Variants in AGTPBP1 observed in about 807,000 individuals in gnomAD.
AGTPBP1 encodes the protein ATP/GTP binding carboxypeptidase 1, also known as cytosolic carboxypeptidase 1.
AGTPBP1 carries 70 observed loss-of-function variants against 143.9 expected under a neutral mutation model. The observed-to-expected ratio is 0.49, with a 90% CI of 0.40 to 0.59. AGTPBP1 has a LOEUF of 0.59. Ranked by LOEUF, AGTPBP1 falls within the 20% of genes least tolerant of loss-of-function variation. The probability of loss-of-function intolerance (pLI) is 0.00; values close to 1 mark genes in which losing one functional copy is unlikely to be tolerated. For synonymous variants in AGTPBP1, 463 were observed against 500.2 expected (o/e 0.93, Z 0.99); for missense variants, 1,229 against 1,464.5 (o/e 0.84, Z 2.62).
rs185705686 is a variant in AGTPBP1, at chr9:85,677,460, T to C, written c.412A>G (p.Ile138Val). The C allele has an allele frequency of 2.0e-5, 32 of 1,606,426 alleles. No individual in the cohort carries two copies. The East Asian group carries it at 2.5e-4, about 12-fold the overall frequency. The stretch of plus-strand genomic sequence containing the variant: ...CCTTTTGGTCCAATCTTTGCAAGAA[T>C]AGAATGAATCTGTACCATTAAGTCC... Reference protein sequence around the residue: ...HEDLMVQIHSILAKIGPKDKK... With the variant: ...HEDLMVQIHSVLAKIGPKDKK... The change falls in exon 6 of 26, where the codon ATT becomes GTT. Residue 138 changes from isoleucine (I) to valine (V), a missense_variant. By Grantham distance (29) the Ile-to-Val change is conservative. This residue lies in a region of AGTPBP1 where 743 missense variants were observed against 812.2 expected (regional missense o/e 0.91). Coordinates refer to ENST00000357081, the MANE Select transcript of AGTPBP1 (RefSeq NM_001330701.2).
At chr9:85,596,284 C>T in intron 18 of AGTPBP1, 78 bp downstream of exon 18, 1 of 972,284 alleles carries the variant, frequency 1.0e-6, no homozygotes, top group Non-Finnish European at 1.5e-6. Flanking sequence ...TCTACTGTTT[C>T]CTTTTACACT....
chr9:85,622,413 T>C (rs1487327359), intron 14 of AGTPBP1, among the ~76,000 whole-genome samples: 3 of 152,080 alleles, frequency 2.0e-5, no homozygotes, highest in East Asian at 1.9e-4. Flanking sequence ...TATGTAACAA[T>C]ATCACAGTAT....
intron 17 of AGTPBP1, among the ~76,000 whole-genome samples, chr9:85,613,210 T>C (rs987097220): frequency 2.6e-4 from 40 of 151,882 alleles, no homozygotes; most frequent in Non-Finnish European, 1.5e-5. Flanking sequence ...ATACAGAAGT[T>C]GTAATCAAGA....
At chr9:85,762,197 G>A in the AGTPBP1 span, among the ~76,000 whole-genome samples, 4,296 of 152,216 alleles carry the variant, frequency 0.028, 198 homozygotes, top group African/African-American at 0.098. Flanking sequence ...TTCAACCATT[G>A]TGGAAGACAG....
At chr9:85,609,020 G>A (rs757484431) in intron 17 of AGTPBP1, among the ~76,000 whole-genome samples, 4 of 152,132 alleles carry the variant, frequency 2.6e-5, no homozygotes, top group Non-Finnish European at 4.4e-5. Context: ...TGTTGGAGAA[G>A]AAAGTTGTAA....
upstream of AGTPBP1, chr9:85,742,067 G>A (rs1373071560): frequency 3.5e-6 from 4 of 1,147,304 alleles, no homozygotes; most frequent in African/African-American, 1.6e-5. Context: ...CGAAAGGGGC[G>A]GGGCGGAGCG....
At chr9:85,697,459 T>G (rs11141067) in intron 2 of AGTPBP1, among the ~76,000 whole-genome samples, 2,437 of 135,718 alleles carry the variant, frequency 0.018, 30 homozygotes, top group Non-Finnish European at 0.027. Flanking sequence ...TTTTTTTTTT[T>G]TTTTTTTTTT....
intron 3 of AGTPBP1, among the ~76,000 whole-genome samples, chr9:85,685,995 C>T (rs975466756): frequency 7.3e-5 from 11 of 151,578 alleles, no homozygotes; most frequent in South Asian, 2.1e-4. Context: ...TAAATTAAAA[C>T]GAAATTCTAA....
chr9:85,654,838 G>T (rs1833395846), intron 11 of AGTPBP1, among the ~76,000 whole-genome samples: 1 of 150,448 alleles, frequency 6.6e-6, no homozygotes, highest in African/African-American at 2.5e-5. Flanking sequence ...GCAAGACTCT[G>T]TCTCAAAAAA....
intron 25 of AGTPBP1, among the ~76,000 whole-genome samples, chr9:85,559,916 T>C (rs1056796291): frequency 4.6e-5 from 7 of 152,174 alleles, no homozygotes; most frequent in African/African-American, 1.7e-4. Flanking sequence ...ATGCCTGCAG[T>C]CCCCTTTCTT....
chr9:85,571,452 T>C (rs1202573909), intron 25 of AGTPBP1, among the ~76,000 whole-genome samples: 4 of 152,144 alleles, frequency 2.6e-5, no homozygotes, highest in Non-Finnish European at 5.9e-5. Context: ...CAGTAATAGA[T>C]TAAAACTCAC....
At chr9:85,700,327 T>C (rs1836561329) in intron 2 of AGTPBP1, among the ~76,000 whole-genome samples, 1 of 152,064 alleles carries the variant, frequency 6.6e-6, no homozygotes, top group African/African-American at 2.4e-5. Context: ...GAGACTCAAC[T>C]CATTCAACCA....
At chr9:85,727,098 G>A (rs114820318) in intron 1 of AGTPBP1, among the ~76,000 whole-genome samples, 1,671 of 152,270 alleles carry the variant, frequency 0.011, 31 homozygotes, top group African/African-American at 0.037. Context: ...AGGATGAGGT[G>A]GTCAGGTCAC....
chr9:85,605,536 A>C (rs1829939428), intron 17 of AGTPBP1, among the ~76,000 whole-genome samples: 1 of 152,172 alleles, frequency 6.6e-6, no homozygotes, highest in Admixed American at 6.5e-5. Flanking sequence ...AATGAACAAT[A>C]AGAAATCATC....
the AGTPBP1 span, among the ~76,000 whole-genome samples, chr9:85,778,808 G>C: frequency 1.8e-3 from 276 of 152,268 alleles, no homozygotes; most frequent in African/African-American, 6.0e-3. Context: ...TCTTTCATCA[G>C]TTTGTCCACT....
the AGTPBP1 span, among the ~76,000 whole-genome samples, chr9:85,769,050 CA>C: frequency 0.05 from 2,996 of 60,150 alleles, 75 homozygotes; most frequent in African/African-American, 0.14. Context: ...GAGGCCCTGT[CA>C]AAAAAAAAAA....
intron 25 of AGTPBP1, among the ~76,000 whole-genome samples, chr9:85,553,505 G>C (rs1401497480): frequency 6.6e-6 from 1 of 152,188 alleles, no homozygotes; most frequent in East Asian, 1.9e-4. Flanking sequence ...TTGGTAGTTA[G>C]GTGTAGGAAA....
At chr9:85,759,526 G>A in the AGTPBP1 span, among the ~76,000 whole-genome samples, 5 of 151,884 alleles carry the variant, frequency 3.3e-5, no homozygotes, top group African/African-American at 1.2e-4. Context: ...TGACTACTGG[G>A]TACATAACGA....
the AGTPBP1 span, among the ~76,000 whole-genome samples, chr9:85,771,432 C>G: frequency 6.6e-6 from 1 of 152,162 alleles, no homozygotes. Context: ...GCTATGATCA[C>G]TACTGCACTT....
Sources: gnomAD v4.1 joint callset for allele counts (sites outside exome capture counted in the v4.1 genomes callset) on GRCh38, gnomAD v4.1.1 for gene constraint, gnomAD v4.1.1 regional missense constraint, MANE v1.5 for transcripts, NCBI Gene and HGNC (gene_info 2026-07-23, HGNC 2026-07-21) for gene names.